Variants in ZNF423 observed in about 807,000 individuals in gnomAD.
ZNF423 encodes the protein Ebf-associated zinc finger protein.
In ZNF423, 12 loss-of-function variants were observed where a neutral mutation model predicts 95.8. The ratio of observed to expected loss-of-function variants is 0.13; its 90% CI spans 0.08 to 0.20. The LOEUF (loss-of-function observed/expected upper bound fraction) is 0.20. Ranked by LOEUF, ZNF423 falls within the 10% of genes least tolerant of loss-of-function variation. The pLI is 1.00. For synonymous variants in ZNF423, 749 were observed against 711.9 expected, an observed-to-expected ratio of 1.05 and a Z score of -0.83; for missense variants, 1,316 against 1,737.1, an observed-to-expected ratio of 0.76 and a Z score of 4.31.
intron 1 of ZNF423, among the ~76,000 whole-genome samples, chr16:49,807,475 G>A (rs1597027603): frequency 6.6e-6 from 1 of 151,770 alleles, no homozygotes; most frequent in South Asian, 2.1e-4. Flanking sequence ...ACCTTCCACA[G>A]AAACGAACTG....
chr16:49,792,178 T>C (rs1358360566), intron 1 of ZNF423, among the ~76,000 whole-genome samples: 2 of 149,868 alleles, frequency 1.3e-5, no homozygotes, highest in Non-Finnish European at 3.0e-5. Flanking sequence ...ACCCCAGTTC[T>C]CCTCTGACCT....
chr16:49,495,888 G>T (rs765732536), intron 7 of ZNF423, among the ~76,000 whole-genome samples: 1 of 152,206 alleles, frequency 6.6e-6, no homozygotes, highest in Non-Finnish European at 1.5e-5. Context: ...TTGCTTAGGC[G>T]TGGGACCCTG....
chr16:49,707,020 G>A (rs2032374038), intron 3 of ZNF423, among the ~76,000 whole-genome samples: 1 of 152,158 alleles, frequency 6.6e-6, no homozygotes, highest in Admixed American at 6.5e-5. Context: ...TCACCCTTCT[G>A]CTGACCTCTT....
chr16:49,491,962 A>G (rs2151641876), intron 7 of ZNF423, among the ~76,000 whole-genome samples: 1 of 152,296 alleles, frequency 6.6e-6, no homozygotes. Context: ...TGGCCCAACC[A>G]GAGACAGGGA....
intron 7 of ZNF423, among the ~76,000 whole-genome samples, chr16:49,510,053 G>A (rs974941901): frequency 2.0e-5 from 3 of 152,232 alleles, no homozygotes; most frequent in South Asian, 2.1e-4. Flanking sequence ...CGTGGGACAC[G>A]ACATCAAGCG....
At position 49,637,015 on chromosome 16, in the gene ZNF423, C is replaced by T; in HGVS notation, c.2161G>A (p.Asp721Asn). The T allele has an allele frequency of 6.2e-7, 1 of 1,613,942 alleles. No individual in the cohort carries two copies. The highest frequency in any genetic ancestry group is 8.5e-7 in the Non-Finnish European group (1 of 1,180,040). The change falls in exon 4 of 8, where the codon GAC becomes AAC. Residue 721 changes from aspartate to asparagine, a missense_variant. Coordinates refer to ENST00000563137, the MANE Select transcript of ZNF423 (RefSeq NM_001379286.1). The surrounding 1 kb of genome is among the most constrained non-coding windows in gnomAD (Gnocchi z 5.6). The part of the protein sequence containing the change: ...SVDDLQKHLL[D>N]MHTFVLYHCT... ...TGGTACAACACAAAGGTGTGCATGTCCAGCAGGTGCTTCTGCAGGTCATCC... is the reference window on the plus strand; with the variant it reads ...TGGTACAACACAAAGGTGTGCATGTTCAGCAGGTGCTTCTGCAGGTCATCC...
At chr16:49,623,136 G>A (rs1324538863) in intron 5 of ZNF423, among the ~76,000 whole-genome samples, 1 of 152,106 alleles carries the variant, frequency 6.6e-6, no homozygotes, top group African/African-American at 2.4e-5. Flanking sequence ...GCAGTGAACT[G>A]GAATCTGCAC....
At chr16:49,712,818 C>A (rs1488225447) in intron 3 of ZNF423, among the ~76,000 whole-genome samples, 1 of 152,238 alleles carries the variant, frequency 6.6e-6, no homozygotes, top group South Asian at 2.1e-4. Context: ...AGAGGCTCCG[C>A]GGATGCATCC....
intron 2 of ZNF423, among the ~76,000 whole-genome samples, chr16:49,757,812 C>T (rs2033754863): frequency 6.6e-6 from 1 of 152,176 alleles, no homozygotes; most frequent in South Asian, 2.1e-4. Context: ...ATTAATTTCC[C>T]CCAGTGTACT....
rs542871981 is a variant in ZNF423 at position 49,845,550 on chromosome 16, T to G, written c.40+10185A>C. 7.2e-5 allele frequency among the ~76,000 whole-genome samples: 11 copies of G among 151,892 alleles called. No homozygotes were observed. In the East Asian group the frequency reaches 1.8e-3, roughly 24 times the overall value. ...TTTTGTTTTGTTTTGTTTTGGTTTGTTTTGTTTTGAGAAAGGGTCTCACTC... is the reference window on the plus strand; with the variant it reads ...TTTTGTTTTGTTTTGTTTTGGTTTGGTTTGTTTTGAGAAAGGGTCTCACTC... On this transcript the variant is annotated intron_variant, in intron 1 of 7. Transcript: ENST00000563137.
At chr16:49,592,086 G>A (rs1567489486) in intron 5 of ZNF423, among the ~76,000 whole-genome samples, 1 of 152,178 alleles carries the variant, frequency 6.6e-6, no homozygotes, top group East Asian at 1.9e-4. Context: ...AAGTAATTGA[G>A]GTTTTTGCAG....
chr16:49,498,992 A>G (rs529614297), intron 7 of ZNF423, among the ~76,000 whole-genome samples: 14 of 152,316 alleles, frequency 9.2e-5, no homozygotes, highest in East Asian at 5.8e-4. Flanking sequence ...GTGATGGCCA[A>G]GGTTCCCTCT....
At chr16:49,753,053 G>C (rs553505004) in intron 2 of ZNF423, among the ~76,000 whole-genome samples, 15 of 152,196 alleles carry the variant, frequency 9.9e-5, no homozygotes, top group Non-Finnish European at 1.2e-4. Context: ...ACACCAGTCT[G>C]GCCAGCATGG....
chr16:49,574,224 A>C (rs1361080546), intron 5 of ZNF423, among the ~76,000 whole-genome samples: 1 of 152,184 alleles, frequency 6.6e-6, no homozygotes, highest in Non-Finnish European at 1.5e-5. Flanking sequence ...TGTCTACACA[A>C]AATTTTAAAA....
rs371298672 is a variant in ZNF423, at chr16:49,491,449, A to T, written c.3850-145T>A. On this transcript the variant is annotated intron_variant, in intron 7 of 7. Coordinates refer to ENST00000563137, the MANE Select transcript of ZNF423 (RefSeq NM_001379286.1). ...AAATGCAACAAGGAAAAAGTGCTCC[A>T]GGGACGCAGCTGCCAAGACGCCACG... The T allele has an allele frequency of 8.0e-6, 8 of 1,004,444 alleles. No individual in the cohort carries two copies. In the South Asian group the frequency reaches 1.1e-4, roughly 14 times the overall value. 62.2% of individuals were successfully genotyped at this position (1,004,444 alleles called of 1,614,324 possible).
intron 7 of ZNF423, among the ~76,000 whole-genome samples, chr16:49,506,108 G>A (rs1489675233): frequency 1.3e-5 from 2 of 152,202 alleles, no homozygotes; most frequent in Non-Finnish European, 2.9e-5. Context: ...AGTAAGGAGA[G>A]GGATAGGTAA....
chr16:49,687,524 C>T (rs999502392), intron 3 of ZNF423, among the ~76,000 whole-genome samples: 3 of 152,186 alleles, frequency 2.0e-5, no homozygotes, highest in African/African-American at 7.2e-5. Flanking sequence ...CACTCTCCTG[C>T]CCACCTCCGA....
intron 4 of ZNF423, among the ~76,000 whole-genome samples, chr16:49,634,272 G>A (rs34190927): frequency 0.21 from 31,190 of 149,182 alleles, 3,366 homozygotes; most frequent in Admixed American, 0.25. Context: ...GCAATGGTGT[G>A]ATCATAGCTA....
intron 5 of ZNF423, among the ~76,000 whole-genome samples, chr16:49,562,802 T>C (rs1970060596): frequency 2.0e-5 from 3 of 152,076 alleles, no homozygotes; most frequent in African/African-American, 4.8e-5. Flanking sequence ...TTTTTTGAGA[T>C]GGAGTCTTGC....
Sources: allele counts gnomAD v4.1 joint callset (sites outside exome capture counted in the v4.1 genomes callset), GRCh38; gene constraint gnomAD v4.1.1; non-coding constraint Gnocchi (gnomAD v3.1); transcripts MANE v1.5; gene names NCBI Gene and HGNC (gene_info 2026-07-23, HGNC 2026-07-21).